DIAPH2: variants seen among roughly 807,000 people sequenced by gnomAD.
DIAPH2 encodes diaphanous related formin 2, also known as protein diaphanous homolog 2.
In DIAPH2, 35 loss-of-function variants were observed where a neutral mutation model predicts 92.7. That is an observed-to-expected ratio of 0.38 (90% confidence interval 0.29 to 0.50). DIAPH2 has a LOEUF of 0.50. Ranked by LOEUF, DIAPH2 falls within the 20% of genes least tolerant of loss-of-function variation. The probability of loss-of-function intolerance (pLI) is 0.94; values close to 1 mark genes in which losing one functional copy is unlikely to be tolerated. For missense variants in DIAPH2, 701 were observed against 819.5 expected (o/e 0.86, Z 1.77); for synonymous variants, 301 against 280.4 (o/e 1.07, Z -0.73).
intron 4 of DIAPH2, among the ~76,000 whole-genome samples, chrX:96,811,082 G>C (rs2064676048): frequency 9.0e-6 from 1 of 111,695 alleles, no homozygotes. Context: ...GATGGAGATG[G>C]CTTTGAATCT....
At chrX:97,146,284 G>T (rs746604865) in intron 22 of DIAPH2, among the ~76,000 whole-genome samples, 2 of 107,838 alleles carry the variant, frequency 1.9e-5, no homozygotes, top group East Asian at 5.8e-4. Flanking sequence ...ATTTGATGAT[G>T]GACTATCTCT....
At chrX:97,077,986 A>G (rs191147419) in intron 19 of DIAPH2, among the ~76,000 whole-genome samples, 1 of 111,887 alleles carries the variant, frequency 8.9e-6, no homozygotes, top group Admixed American at 9.5e-5. Flanking sequence ...CTAGCCTTCA[A>G]AATTTGTTTC....
chrX:97,475,909 A>G (rs1337541801), intron 26 of DIAPH2, among the ~76,000 whole-genome samples: 2 of 112,232 alleles, frequency 1.8e-5, no homozygotes, highest in Admixed American at 9.5e-5. Flanking sequence ...GAAGTGAACA[A>G]CATAACCAGT....
chrX:96,954,253 G>A (rs1351254609), intron 15 of DIAPH2: 2 of 112,035 alleles, frequency 1.8e-5, no homozygotes, highest in African/African-American at 3.2e-5. Context: ...GTCGTATCTT[G>A]ATTAAAACAG....
rs752376403 is a variant in DIAPH2, at chrX:97,601,105, A to AGTT, written c.*1789_*1791dup. On this transcript the variant is annotated 3_prime_UTR_variant, in exon 27 of 27. Coordinates refer to ENST00000324765, the MANE Select transcript of DIAPH2 (RefSeq NM_006729.5). ...AACACTGTTTTTTAACAACAACAAA[A>AGTT]GTTTAGGTTCTAATTTATGTAAATA... 7 of 112,421 alleles carry AGTT rather than the reference A, an allele frequency of 6.2e-5. No homozygotes were observed. The highest frequency in any genetic ancestry group is 2.8e-4 in the East Asian group (1 of 3,571). 9.3% of individuals were successfully genotyped at this position (112,421 alleles called of 1,213,427 possible). A position where few individuals can be genotyped will look rare whatever the true frequency, so the allele number is the denominator to read the frequency against.
At chrX:97,571,066 G>A (rs995808939) in intron 26 of DIAPH2, among the ~76,000 whole-genome samples, 1 of 111,481 alleles carries the variant, frequency 9.0e-6, no homozygotes, top group African/African-American at 3.3e-5. Context: ...AGTCACAGTT[G>A]GTGGGCACAG....
At chrX:97,308,418 C>T (rs1225485436) in intron 23 of DIAPH2, among the ~76,000 whole-genome samples, 4 of 110,417 alleles carry the variant, frequency 3.6e-5, no homozygotes, top group African/African-American at 1.3e-4. Flanking sequence ...CAAATCCCAT[C>T]GCTTTACTTT....
chrX:97,126,698 A>G (rs1230909126), intron 21 of DIAPH2, among the ~76,000 whole-genome samples: 1 of 112,501 alleles, frequency 8.9e-6, no homozygotes, highest in Non-Finnish European at 1.9e-5. Flanking sequence ...TTGCTCATAA[A>G]CACTGGCTAA....
chrX:97,214,836 TAAAA>T (rs368311868), intron 22 of DIAPH2, among the ~76,000 whole-genome samples: 9 of 62,766 alleles, frequency 1.4e-4, no homozygotes, highest in African/African-American at 1.8e-4. Context: ...CGTCTCAAAT[TAAAA>T]AAAAAAAAAA....
At chrX:97,392,836 A>G (rs760325982) in intron 25 of DIAPH2, among the ~76,000 whole-genome samples, 1 of 111,802 alleles carries the variant, frequency 8.9e-6, no homozygotes, top group African/African-American at 3.2e-5. Flanking sequence ...GACTGGTGTT[A>G]TTTATACTGT....
At chrX:97,167,985 A>T (rs1358173985) in intron 22 of DIAPH2, among the ~76,000 whole-genome samples, 9 of 111,710 alleles carry the variant, frequency 8.1e-5, no homozygotes, top group African/African-American at 2.6e-4. Context: ...CTTGTCACTT[A>T]TATGTCCTGC....
At chrX:97,511,563 G>C (rs2070893182) in intron 26 of DIAPH2, among the ~76,000 whole-genome samples, 1 of 109,632 alleles carries the variant, frequency 9.1e-6, no homozygotes, top group African/African-American at 3.3e-5. Flanking sequence ...GGAGTGGTGA[G>C]AGAGGGCATC....
At position 96,965,215 on chromosome X, in the gene DIAPH2, TTTAAAAATAAAA is replaced by T; in HGVS notation, c.2050+10_2050+21del. ...TTGCTACTCAGATAAAAGGTACATTTTTAAAAATAAAATATAAGTTCCCGATTCAGGTACAAT... is the reference window on the plus strand; with the variant it reads ...TTGCTACTCAGATAAAAGGTACATTTTATAAGTTCCCGATTCAGGTACAAT... On this transcript the variant is annotated intron_variant, in intron 17 of 26. Transcript: ENST00000324765. 1 of 1,135,515 alleles carries T rather than the reference TTTAAAAATAAAA, an allele frequency of 8.8e-7. No homozygotes were observed. Among genetic ancestry groups the T allele is most frequent in the South Asian group, 2.1e-5 (1 of 48,250 alleles). 93.6% of individuals were successfully genotyped at this position (1,135,515 alleles called of 1,213,427 possible). A position where few individuals can be genotyped will look rare whatever the true frequency, so the allele number is the denominator to read the frequency against.
intron 19 of DIAPH2, among the ~76,000 whole-genome samples, chrX:97,093,033 T>G (rs1438611018): frequency 1.1e-4 from 10 of 88,786 alleles, no homozygotes; most frequent in African/African-American, 3.4e-4. Context: ...AAGAGTTTTT[T>G]AAAAATCAGC....
intron 1 of DIAPH2, among the ~76,000 whole-genome samples, chrX:96,710,729 TGGGGGAAC>T (rs1426523605): frequency 9.0e-6 from 1 of 110,883 alleles, no homozygotes; most frequent in African/African-American, 3.3e-5. Flanking sequence ...TCAGTAGTTT[TGGGGGAAC>T]GGGGGGTTTT....
intron 26 of DIAPH2, among the ~76,000 whole-genome samples, chrX:97,464,860 G>C (rs6620283): frequency 0.39 from 42,638 of 110,291 alleles, 5,890 homozygotes; most frequent in East Asian, 0.57. Context: ...GTTTTGTTTT[G>C]TTTTTGAGAC....
At chrX:97,010,140 C>T (rs1365468161) in intron 17 of DIAPH2, among the ~76,000 whole-genome samples, 1 of 112,062 alleles carries the variant, frequency 8.9e-6, no homozygotes, top group Non-Finnish European at 1.9e-5. Context: ...CCCTACCTCT[C>T]TTGGTTAGGG....
chrX:97,398,339 A>G (rs769051782), intron 25 of DIAPH2, among the ~76,000 whole-genome samples: 1 of 112,142 alleles, frequency 8.9e-6, no homozygotes, highest in South Asian at 3.8e-4. Context: ...AGCTATAGAG[A>G]TGAACTATGG....
intron 21 of DIAPH2, among the ~76,000 whole-genome samples, chrX:97,119,198 A>G (rs1246636215): frequency 9.0e-6 from 1 of 110,890 alleles, no homozygotes; most frequent in Non-Finnish European, 1.9e-5. Flanking sequence ...GTCAGAGGGA[A>G]AATCTAGGGC....
Sources: gnomAD v4.1 joint callset for allele counts (sites outside exome capture counted in the v4.1 genomes callset) on GRCh38, gnomAD v4.1.1 for gene constraint, MANE v1.5 for transcripts, NCBI Gene and HGNC (gene_info 2026-07-23, HGNC 2026-07-21) for gene names.